NRCAM: variants seen among roughly 807,000 people sequenced by gnomAD.
The protein encoded by NRCAM is neuronal cell adhesion molecule.
A neutral mutation model predicts 156.5 loss-of-function variants in NRCAM; 83 were observed. That is an observed-to-expected ratio of 0.53 (90% CI 0.44 to 0.64). The LOEUF (loss-of-function observed/expected upper bound fraction) is 0.64, where lower values mean the gene tolerates loss of function less well. Ranked by LOEUF, NRCAM falls within the 30% of genes least tolerant of loss-of-function variation. The pLI, the probability that NRCAM is intolerant of heterozygous loss-of-function variation, is 0.00. For missense variants in NRCAM, 1,417 were observed against 1,597.3 expected, an observed-to-expected ratio of 0.89 and a Z score of 1.92; for synonymous variants, 538 against 563.9, an observed-to-expected ratio of 0.95 and a Z score of 0.65.
At chr7:108,353,349 T>C (rs1212843747) in intron 2 of NRCAM, among the ~76,000 whole-genome samples, 1 of 152,010 alleles carries the variant, frequency 6.6e-6, no homozygotes, top group Non-Finnish European at 1.5e-5. Context: ...TTTCCTTTTT[T>C]AATTATTTTT....
chr7:108,185,483 C>T (rs57178248), intron 20 of NRCAM, among the ~76,000 whole-genome samples: 1 of 152,102 alleles, frequency 6.6e-6, no homozygotes, highest in Non-Finnish European at 1.5e-5. Context: ...CACCTGTAAT[C>T]TCAGCACTTT....
At chr7:108,409,168 C>CATCA (rs1792190409) in intron 1 of NRCAM, among the ~76,000 whole-genome samples, 1 of 152,136 alleles carries the variant, frequency 6.6e-6, no homozygotes, top group Non-Finnish European at 1.5e-5. Context: ...TCAACGCGTG[C>CATCA]AGAGCATTAA....
intron 3 of NRCAM, among the ~76,000 whole-genome samples, chr7:108,302,015 G>A (rs527281296): frequency 6.6e-6 from 1 of 151,224 alleles, no homozygotes; most frequent in Non-Finnish European, 1.5e-5. Flanking sequence ...TGTGGCCTGT[G>A]TCTAACTGAT....
At chr7:108,321,592 A>G (rs531064342) in intron 2 of NRCAM, among the ~76,000 whole-genome samples, 49 of 152,280 alleles carry the variant, frequency 3.2e-4, no homozygotes, top group African/African-American at 4.8e-4. Context: ...AAAACATACA[A>G]ACCATACCAC....
chr7:108,149,206 C>T lies in NRCAM; in HGVS notation c.*704G>A, dbSNP rs2040051782. The T allele has an allele frequency of 6.6e-6, 1 of 152,592 alleles. No individual in the cohort carries two copies. The highest frequency in any genetic ancestry group is 1.5e-5 in the Non-Finnish European group (1 of 68,030). The allele number at this position is 152,592 out of a possible 1,614,324, so 9.5% of individuals were successfully genotyped here. On this transcript the variant is annotated 3_prime_UTR_variant, in exon 33 of 33. Transcript: ENST00000379028. ...AATACACATTGTTTATGCCTAAAAA[C>T]AACCGAACATAGAAATGATGTAAAA...
At chr7:108,327,695 A>G (rs2099084187) in intron 2 of NRCAM, among the ~76,000 whole-genome samples, 1 of 152,100 alleles carries the variant, frequency 6.6e-6, no homozygotes, top group African/African-American at 2.4e-5. Context: ...CAATTATGAT[A>G]TTTTTTAAAA....
intron 1 of NRCAM, among the ~76,000 whole-genome samples, chr7:108,405,970 T>TTA (rs111321967): frequency 0.32 from 48,333 of 149,478 alleles, 8,151 homozygotes; most frequent in Middle Eastern, 0.45. Context: ...TTTTTTTTTT[T>TTA]AATTTAAAAA....
chr7:108,198,118 A>G lies in NRCAM; in HGVS notation c.1208-19T>C. On this transcript the variant is annotated intron_variant, in intron 13 of 32. Coordinates refer to ENST00000379028, the MANE Select transcript of NRCAM (RefSeq NM_001037132.4). Reference sequence around the variant, plus strand: ...GGGGCAACTGTTTGGATGTAAAAATAGAAAGTATTTATTCCTATTTGCTTA... The same window carrying G: ...GGGGCAACTGTTTGGATGTAAAAATGGAAAGTATTTATTCCTATTTGCTTA... 6.3e-7 allele frequency: 1 copy of G among 1,582,478 alleles called. No homozygotes were observed. Among genetic ancestry groups the G allele is most frequent in the Non-Finnish European group, 8.6e-7 (1 of 1,168,992 alleles).
In NRCAM at chr7:108,223,954, T is replaced by A. The variant is rs550882778; in HGVS notation, c.779-118A>T. ...CCTTTTTAAGCTATTTAACATTAAT[T>A]GTGAAATTTGTTAAGCTACATACAC... On this transcript the variant is annotated intron_variant, in intron 10 of 32. Coordinates refer to ENST00000379028, the MANE Select transcript of NRCAM (RefSeq NM_001037132.4). 2.4e-5 allele frequency: 15 copies of A among 618,546 alleles called. No homozygotes were observed. In the Admixed American group the frequency reaches 2.9e-4, roughly 12 times the overall value. The allele number at this position is 618,546 out of a possible 1,614,324, so 38.3% of individuals were successfully genotyped here. A position where few individuals can be genotyped will look rare whatever the true frequency, so the allele number is the denominator to read the frequency against.
At chr7:108,436,269 A>C (rs1832098365) in intron 1 of NRCAM, among the ~76,000 whole-genome samples, 1 of 152,236 alleles carries the variant, frequency 6.6e-6, no homozygotes, top group African/African-American at 2.4e-5. Flanking sequence ...ACCAGTTGCA[A>C]AGTGTGAGTT....
Position 108,150,053 on chromosome 7 carries a change from A to C in NRCAM, c.3772T>G (p.Tyr1258Asp). The change falls in exon 33 of 33, where the codon TAT (tyrosine) becomes GAT (aspartate). Residue 1258 changes from tyrosine to aspartate, a missense_variant. Physicochemically the swap from Tyr to Asp is radical, Grantham distance 160 (BLOSUM62 -3). This residue lies in a region of NRCAM where 179 missense variants were observed against 260.9 expected (regional missense o/e 0.69). Transcript: ENST00000379028. ...KEDSDDSLVD[Y>D]GEGVNGQFNE... is the part of the protein sequence containing the mutation. ...AACTGGCCATTAACCCCTTCTCCAT[A>C]GTCAACTAGGCTGTCGTCACTATCT... 1 of 1,614,074 alleles carries C rather than the reference A, an allele frequency of 6.2e-7. No homozygotes were observed. The highest frequency in any genetic ancestry group is 8.5e-7 in the Non-Finnish European group (1 of 1,179,958).
intron 2 of NRCAM, among the ~76,000 whole-genome samples, chr7:108,396,212 A>G (rs956429530): frequency 6.6e-6 from 1 of 152,214 alleles, no homozygotes; most frequent in African/African-American, 2.4e-5. Flanking sequence ...AGATTGAAAC[A>G]GGGAGAAATA....
intron 1 of NRCAM, among the ~76,000 whole-genome samples, chr7:108,402,027 T>C (rs925914616): frequency 1.3e-5 from 2 of 152,202 alleles, no homozygotes; most frequent in African/African-American, 4.8e-5. Flanking sequence ...TTAGTACACT[T>C]TGGATGCTGA....
At chr7:108,418,560 T>TATACACACAC (rs1250839690) in intron 1 of NRCAM, among the ~76,000 whole-genome samples, 1 of 143,624 alleles carries the variant, frequency 7.0e-6, no homozygotes, top group African/African-American at 2.6e-5. Context: ...ATACATATTA[T>TATACACACAC]ACACACACAC....
intron 1 of NRCAM, among the ~76,000 whole-genome samples, chr7:108,423,931 A>G (rs901687992): frequency 2.6e-5 from 4 of 152,246 alleles, no homozygotes; most frequent in East Asian, 1.9e-4. Flanking sequence ...TTTGGCCCCA[A>G]TGAACATAGG....
At chr7:108,447,601 A>G (rs1845904932) in intron 1 of NRCAM, among the ~76,000 whole-genome samples, 1 of 152,126 alleles carries the variant, frequency 6.6e-6, no homozygotes, top group South Asian at 2.1e-4. Context: ...AACTTTCTCA[A>G]GCTAGGGCCA....
intron 2 of NRCAM, among the ~76,000 whole-genome samples, chr7:108,368,986 G>A (rs1286802835): frequency 6.6e-6 from 1 of 152,094 alleles, no homozygotes; most frequent in Non-Finnish European, 1.5e-5. Flanking sequence ...CATGACTTGA[G>A]CTGATTTTAA....
In NRCAM at chr7:108,149,661, A is replaced by G; in HGVS notation, c.*249T>C. The G allele has an allele frequency of 2.0e-6, 1 of 497,356 alleles. No homozygotes were observed. Among genetic ancestry groups the G allele is most frequent in the Non-Finnish European group, 3.5e-6 (1 of 283,686 alleles). 30.8% of individuals were successfully genotyped at this position (497,356 alleles called of 1,614,324 possible). On this transcript the variant is annotated 3_prime_UTR_variant, in exon 33 of 33. Transcript: ENST00000379028. ...TAACAGGATCTGTTGGTGATGTTGCATTATTTTTTATCAGTTCTGAGGAAA... is the reference window on the plus strand; with the variant it reads ...TAACAGGATCTGTTGGTGATGTTGCGTTATTTTTTATCAGTTCTGAGGAAA...
intron 3 of NRCAM, among the ~76,000 whole-genome samples, chr7:108,269,690 GA>G (rs1408900850): frequency 6.6e-6 from 1 of 152,266 alleles, no homozygotes; most frequent in African/African-American, 2.4e-5. Context: ...TTATATGCTT[GA>G]ATAATAAACT....
Sources: allele counts gnomAD v4.1 joint callset (sites outside exome capture counted in the v4.1 genomes callset), GRCh38; gene constraint gnomAD v4.1.1; regional missense constraint gnomAD v4.1.1; transcripts MANE v1.5; gene names NCBI Gene and HGNC (gene_info 2026-07-23, HGNC 2026-07-21).